The following ASAP3 variants were observed in gnomAD, a reference collection of about 807,000 sequenced individuals.
ASAP3 encodes the protein ArfGAP with SH3 domain, ankyrin repeat and PH domain 3, also known as arf-GAP with SH3 domain, ANK repeat and PH domain-containing protein 3.
In ASAP3, 85 loss-of-function variants were observed where a neutral mutation model predicts 118.2. That is an observed-to-expected ratio of 0.72 (90% CI 0.60 to 0.86). The LOEUF (loss-of-function observed/expected upper bound fraction) is 0.86. Among genes scored for constraint, ASAP3 ranks in the 40% least tolerant of loss-of-function variants. The probability of loss-of-function intolerance (pLI) is 0.00; values close to 1 mark genes in which losing one functional copy is unlikely to be tolerated. For missense variants in ASAP3, 1,026 were observed against 1,175.0 expected (o/e 0.87, Z 1.85); for synonymous variants, 432 against 477.4 (o/e 0.90, Z 1.24).
chr1:23,455,798 A>G (rs1641362347), intron 3 of ASAP3, 83 bp downstream of exon 3: 1 of 1,547,854 alleles, frequency 6.5e-7, no homozygotes, highest in Non-Finnish European at 8.8e-7. Context: ...GGGAGAAGGA[A>G]GGAAACGGAC....
chr1:23,484,074 G>C lies in ASAP3; in HGVS notation c.60C>G (p.Ser20=). The change falls in exon 1 of 25, where the codon TCC becomes TCG. Residue 20 remains serine, a synonymous_variant. Coordinates refer to ENST00000336689, the MANE Select transcript of ASAP3 (RefSeq NM_017707.4). ...FLAVTAEDLS[S]PAGAAAFAAK... is the part of the protein sequence containing the mutation. ...CGGCGAAGGCGGCGGCCCCAGCCGGGGAGCTGAGGTCCTCCGCGGTGACGG... is the reference window on the plus strand; with the variant it reads ...CGGCGAAGGCGGCGGCCCCAGCCGGCGAGCTGAGGTCCTCCGCGGTGACGG... 1 of 1,350,498 alleles carries C rather than the reference G, an allele frequency of 7.4e-7. No individual in the cohort carries two copies. The highest frequency in any genetic ancestry group is 9.5e-7 in the Non-Finnish European group (1 of 1,052,682). The allele number at this position is 1,350,498 out of a possible 1,614,324, so 83.7% of individuals were successfully genotyped here.
At chr1:23,452,960 C>T (rs143171194) in intron 3 of ASAP3, among the ~76,000 whole-genome samples, 189 bp from the exon 4 acceptor site, 2 of 150,528 alleles carry the variant, frequency 1.3e-5, no homozygotes, top group Non-Finnish European at 3.0e-5. Context: ...GCTGAGCCTG[C>T]GGGGGGGGAC....
At chr1:23,466,672 A>G (rs912468031) in intron 1 of ASAP3, among the ~76,000 whole-genome samples, 2 of 152,232 alleles carry the variant, frequency 1.3e-5, no homozygotes, top group Non-Finnish European at 2.9e-5. Context: ...AATAGGACCC[A>G]TTCTTCATTC....
rs147016526 is a variant in ASAP3 at position 23,433,272 on chromosome 1, G to A, written c.2128C>T (p.Arg710Cys). 15 of 1,605,794 alleles carry A rather than the reference G, an allele frequency of 9.3e-6. No homozygotes were observed. Among genetic ancestry groups the A allele is most frequent in the Admixed American group, 3.4e-5 (2 of 58,708 alleles). The change falls in exon 22 of 25, where the codon CGC becomes TGC. Residue 710 changes from arginine (R) to cysteine (C), a missense_variant and splice_region_variant. Physicochemically the swap from Arg to Cys is radical, Grantham distance 180 (BLOSUM62 -3). Transcript: ENST00000336689. ...SDSEEDEEEK[R>C]CLLKLPAQAH... ...TGGGCCGGGAGCTTCAGCAAGCAGC[G>A]CTGCCAGAGCAAAAGATTGAGGATG...
Position 23,484,123 on chromosome 1 carries a change from T to G in ASAP3, c.11A>C (p.Gln4Pro). Residue 4 changes from glutamine to proline, a missense_variant, in exon 1 of 25, where the codon CAG becomes CCG. Gln to Pro is a moderately conservative substitution (Grantham distance 76). Transcript: ENST00000336689. ...GGCCAGGAACTCGGCGACGCTGAAC[T>G]GCTCCGGCATGGCGGGCGCGAGCGT... is the stretch of plus-strand genomic sequence containing the variant. MPE[Q>P]FSVAEFLAVT... 7.7e-7 allele frequency: 1 copy of G among 1,290,384 alleles called. No individual in the cohort carries two copies. Among genetic ancestry groups the G allele is most frequent in the Non-Finnish European group, 9.8e-7 (1 of 1,021,146 alleles). The allele number at this position is 1,290,384 out of a possible 1,614,324, so 79.9% of individuals were successfully genotyped here.
At chr1:23,467,537 A>G (rs1164706039) in intron 1 of ASAP3, among the ~76,000 whole-genome samples, 1 of 152,210 alleles carries the variant, frequency 6.6e-6, no homozygotes, top group Non-Finnish European at 1.5e-5. Context: ...TCCTTAAGAG[A>G]CGAAGTCACA....
In ASAP3 at chr1:23,437,782, C is replaced by T. The variant is rs1415659705; in HGVS notation, c.1103-310G>A. 1.3e-5 allele frequency among the ~76,000 whole-genome samples: 2 copies of T among 152,134 alleles called. No homozygotes were observed. Among genetic ancestry groups the T allele is most frequent in the Non-Finnish European group, 2.9e-5 (2 of 68,016 alleles). ...CTCTGAGGCAGGGCATCCTCTGAAC[C>T]AACTGTCACCACCCCACTGGGCCCT... On this transcript the variant is annotated intron_variant, in intron 12 of 24. Coordinates refer to ENST00000336689, the MANE Select transcript of ASAP3 (RefSeq NM_017707.4). The surrounding 1 kb of genome is among the most constrained non-coding windows in gnomAD (Gnocchi z 6.1).
chr1:23,452,948 G>A (rs1641268962), intron 3 of ASAP3, among the ~76,000 whole-genome samples, 177 bp from the exon 4 acceptor site: 1 of 152,204 alleles, frequency 6.6e-6, no homozygotes, highest in Admixed American at 6.5e-5. Flanking sequence ...CATGGCAGGA[G>A]TGCTGAGCCT....
At position 23,436,920 on chromosome 1, in the gene ASAP3, G is replaced by C; in HGVS notation, c.1467C>G (p.Ser489=). The stretch of plus-strand genomic sequence containing the variant: ...CCCGCCCCGCCCTCACCAACAACTC[G>C]GAGGGGCCCAGCAGGTCCAAGGTGA... ...QSLTLDLLGP[S]ELLLALNMGN... Residue 489 remains serine (S), a synonymous_variant, in exon 15 of 25, where the codon TCC becomes TCG. Transcript: ENST00000336689. This position sits in a 1 kb window ranked among gnomAD's most constrained non-coding sequence, Gnocchi z 4.2. 6.2e-7 allele frequency: 1 copy of C among 1,611,482 alleles called. No homozygotes were observed. Among genetic ancestry groups the C allele is most frequent in the Non-Finnish European group, 8.5e-7 (1 of 1,179,530 alleles).
chr1:23,462,674 G>A (rs1453554522), intron 1 of ASAP3, among the ~76,000 whole-genome samples: 1 of 151,954 alleles, frequency 6.6e-6, no homozygotes, highest in Non-Finnish European at 1.5e-5. Context: ...CAGGAGAATC[G>A]CTTGAACCTG....
intron 7 of ASAP3, 36 bp downstream of exon 7, chr1:23,442,150 G>T (rs1481003690): frequency 6.4e-7 from 1 of 1,565,592 alleles, no homozygotes; most frequent in Non-Finnish European, 8.7e-7. Flanking sequence ...TGTGACACTG[G>T]AAGGGTTAGT....
intron 5 of ASAP3, among the ~76,000 whole-genome samples, chr1:23,444,315 G>A (rs946575075): frequency 2.0e-5 from 3 of 152,108 alleles, no homozygotes; most frequent in South Asian, 2.1e-4. Context: ...GAAATCCCAC[G>A]CCCAGCAGAC....
chr1:23,437,139 C>A lies in ASAP3; in HGVS notation c.1333G>T (p.Gly445Trp). 6.2e-7 allele frequency: 1 copy of A among 1,604,098 alleles called. No individual in the cohort carries two copies. ...RPGNSQCCDC[G>W]AADPTWLSTN... ...GGCCCCGGGGACCGACCTGCAGCCC[C>A]GCAGTCGCAGCACTGGCTATTCCCA... Residue 445 changes from glycine to tryptophan, a missense_variant, in exon 14 of 25, where the codon GGG becomes TGG. Transcript: ENST00000336689. The surrounding 1 kb of genome is among the most constrained non-coding windows in gnomAD (Gnocchi z 6.1).
intron 3 of ASAP3, 118 bp from the exon 4 acceptor site, chr1:23,452,889 A>T: frequency 1.0e-6 from 1 of 976,876 alleles, no homozygotes; most frequent in East Asian, 2.4e-5. Context: ...GAAGTAGGGG[A>T]GAGGAAAAGA....
chr1:23,468,235 A>G (rs1641839943), intron 1 of ASAP3, among the ~76,000 whole-genome samples: 1 of 152,226 alleles, frequency 6.6e-6, no homozygotes, highest in East Asian at 1.9e-4. Context: ...CTGAAGGTCC[A>G]TGGTGTTACT....
intron 4 of ASAP3, among the ~76,000 whole-genome samples, chr1:23,452,436 A>G (rs1641245827): frequency 6.6e-6 from 1 of 152,142 alleles, no homozygotes; most frequent in African/African-American, 2.4e-5. Context: ...CAAAATGGGG[A>G]TGAGTGTACC....
At chr1:23,476,595 C>T (rs1247764586) in intron 1 of ASAP3, among the ~76,000 whole-genome samples, 2 of 152,162 alleles carry the variant, frequency 1.3e-5, no homozygotes, top group Non-Finnish European at 2.9e-5. Context: ...TATGATCTTT[C>T]TAAAATACAA....
At chr1:23,484,220 G>A (rs1353345477), upstream of ASAP3, 16 of 1,185,338 alleles carry the variant, frequency 1.3e-5, no homozygotes, top group East Asian at 3.5e-4. Context: ...CCGGCCGGGG[G>A]CGCCGTCCCG....
chr1:23,478,379 C>A (rs1026236866), intron 1 of ASAP3, among the ~76,000 whole-genome samples: 2 of 151,640 alleles, frequency 1.3e-5, no homozygotes, highest in African/African-American at 4.8e-5. Context: ...GCAGGAGAAT[C>A]GCTTGAACCT....
Sources: gnomAD v4.1 joint callset for allele counts (sites outside exome capture counted in the v4.1 genomes callset) on GRCh38, gnomAD v4.1.1 for gene constraint, Gnocchi (gnomAD v3.1) non-coding constraint, MANE v1.5 for transcripts, NCBI Gene and HGNC (gene_info 2026-07-23, HGNC 2026-07-21) for gene names.